Variants in CCSER1 observed in about 807,000 individuals in gnomAD.
CCSER1 encodes coiled-coil serine rich protein 1, also known as serine-rich coiled-coil domain-containing protein 1.
In CCSER1, 41 loss-of-function variants were observed where a neutral mutation model predicts 82.0. The observed-to-expected ratio is 0.50, with a 90% CI of 0.39 to 0.65. CCSER1 has a LOEUF of 0.65. Among genes scored for constraint, CCSER1 ranks in the 30% least tolerant of loss-of-function variants. The probability of loss-of-function intolerance (pLI) is 0.00; values close to 1 mark genes in which losing one functional copy is unlikely to be tolerated. For synonymous variants in CCSER1, 414 were observed against 383.9 expected, an observed-to-expected ratio of 1.08 and a Z score of -0.92; for missense variants, 1,119 against 1,064.2, an observed-to-expected ratio of 1.05 and a Z score of -0.72.
intron 10 of CCSER1, among the ~76,000 whole-genome samples, chr4:91,177,451 G>A (rs1733517644): frequency 6.6e-6 from 1 of 152,112 alleles, no homozygotes; most frequent in South Asian, 2.1e-4. Context: ...TCTGGTCCTG[G>A]ACTTTTTTTG....
At chr4:91,001,465 T>C in intron 9 of CCSER1, among the ~76,000 whole-genome samples, 1 of 152,264 alleles carries the variant, frequency 6.6e-6, no homozygotes, top group East Asian at 1.9e-4. Context: ...ATTTTTGAAA[T>C]AGTTTCATAT....
At chr4:90,462,523 G>C (rs1436617520) in intron 4 of CCSER1, among the ~76,000 whole-genome samples, 2 of 152,178 alleles carry the variant, frequency 1.3e-5, no homozygotes, top group Admixed American at 6.5e-5. Context: ...ACTTGGGTTA[G>C]TATTTGAATA....
At chr4:90,864,247 T>C (rs1285594428) in intron 8 of CCSER1, among the ~76,000 whole-genome samples, 4 of 151,918 alleles carry the variant, frequency 2.6e-5, no homozygotes, top group African/African-American at 9.7e-5. Context: ...ACAGATTCTT[T>C]TATTCTGCAA....
At chr4:91,280,647 A>G (rs942098242) in intron 10 of CCSER1, among the ~76,000 whole-genome samples, 6 of 152,126 alleles carry the variant, frequency 3.9e-5, no homozygotes, top group Admixed American at 2.6e-4. Context: ...GCAGACATAA[A>G]CAAGTGGTTT....
At chr4:90,993,128 C>G (rs1038487088) in intron 9 of CCSER1, among the ~76,000 whole-genome samples, 4 of 152,054 alleles carry the variant, frequency 2.6e-5, no homozygotes, top group Admixed American at 2.0e-4. Flanking sequence ...CCCAGCCTCT[C>G]TGTCTATCCT....
rs79836799 is a variant in CCSER1, at chr4:90,763,517, C to T, written c.2010+39526C>T. On this transcript the variant is annotated intron_variant, in intron 7 of 10. Coordinates refer to ENST00000509176, the MANE Select transcript of CCSER1 (RefSeq NM_001145065.2). Reference sequence around the variant, plus strand: ...TCAGTTATTTGTGAGTTATCTCAACCACAGAGTTTTGTCAGTGTCTTGATA... The same window carrying T: ...TCAGTTATTTGTGAGTTATCTCAACTACAGAGTTTTGTCAGTGTCTTGATA... 1.6e-4 allele frequency among the ~76,000 whole-genome samples: 24 copies of T among 152,208 alleles called. No individual in the cohort carries two copies. The East Asian group carries it at 4.2e-3, about 27-fold the overall frequency.
chr4:91,151,376 C>T (rs903841351), intron 10 of CCSER1, among the ~76,000 whole-genome samples: 4 of 152,118 alleles, frequency 2.6e-5, no homozygotes, highest in Admixed American at 2.0e-4. Flanking sequence ...CTTCATTAGT[C>T]TTGCTAGTGG....
chr4:91,501,778 G>C, intron 10 of CCSER1, among the ~76,000 whole-genome samples: 1 of 152,008 alleles, frequency 6.6e-6, no homozygotes, highest in South Asian at 2.1e-4. Context: ...ATATTAGTAA[G>C]AGAACTCAAT....
At chr4:90,176,741 C>A (rs892517538) in intron 1 of CCSER1, among the ~76,000 whole-genome samples, 1 of 151,966 alleles carries the variant, frequency 6.6e-6, no homozygotes, top group Admixed American at 6.6e-5. Context: ...GAACGAGGAG[C>A]ATTTTGGAGA....
At position 90,312,818 on chromosome 4, in the gene CCSER1, C is replaced by T. The variant is rs183030435; in HGVS notation, c.1325-45C>T. ...TTCAGTGGGACATTTGTAAAAACTACATTTAAATATTTACCTTCATTTTTA... is the reference window on the plus strand; with the variant it reads ...TTCAGTGGGACATTTGTAAAAACTATATTTAAATATTTACCTTCATTTTTA... On this transcript the variant is annotated intron_variant, in intron 2 of 10. Coordinates refer to ENST00000509176, the MANE Select transcript of CCSER1 (RefSeq NM_001145065.2). 8.3e-5 allele frequency: 115 copies of T among 1,380,258 alleles called. No individual in the cohort carries two copies. In the African/African-American group the frequency reaches 1.5e-3, roughly 18 times the overall value. The allele number at this position is 1,380,258 out of a possible 1,614,324, so 85.5% of individuals were successfully genotyped here.
At chr4:91,163,119 C>T (rs1440964648) in intron 10 of CCSER1, among the ~76,000 whole-genome samples, 1 of 152,204 alleles carries the variant, frequency 6.6e-6, no homozygotes, top group Non-Finnish European at 1.5e-5. Context: ...CCCAGAGATT[C>T]TGGTATGTTG....
chr4:91,360,695 A>C (rs1749192061), intron 10 of CCSER1, among the ~76,000 whole-genome samples: 1 of 151,836 alleles, frequency 6.6e-6, no homozygotes, highest in African/African-American at 2.4e-5. Context: ...GGTTTATGGC[A>C]CAAGCCTAGG....
chr4:90,487,754 G>A (rs1171511817), intron 5 of CCSER1, among the ~76,000 whole-genome samples: 2 of 152,058 alleles, frequency 1.3e-5, no homozygotes, highest in African/African-American at 2.4e-5. Flanking sequence ...AAGCGATTCT[G>A]CCTCAGCCTC....
intron 6 of CCSER1, among the ~76,000 whole-genome samples, chr4:90,717,797 A>ATG (rs1741927007): frequency 6.7e-6 from 1 of 148,376 alleles, no homozygotes. Context: ...ATATATATAT[A>ATG]TGTGTATATA....
At chr4:91,327,146 G>A (rs1746624586) in intron 10 of CCSER1, among the ~76,000 whole-genome samples, 1 of 152,218 alleles carries the variant, frequency 6.6e-6, no homozygotes, top group African/African-American at 2.4e-5. Flanking sequence ...GGAACTCTAT[G>A]TGGGGGCTCG....
chr4:91,157,586 C>A (rs1730937987), intron 10 of CCSER1, among the ~76,000 whole-genome samples: 1 of 151,928 alleles, frequency 6.6e-6, no homozygotes, highest in South Asian at 2.1e-4. Context: ...TGTGATTCAA[C>A]AAGTGATAGT....
At chr4:91,586,561 T>G (rs1433916900) in intron 10 of CCSER1, among the ~76,000 whole-genome samples, 2 of 151,740 alleles carry the variant, frequency 1.3e-5, no homozygotes, top group Admixed American at 1.3e-4. Flanking sequence ...AAAATGCCTC[T>G]TAATGTGTAA....
intron 6 of CCSER1, among the ~76,000 whole-genome samples, chr4:90,646,555 G>C (rs1230051900): frequency 6.6e-6 from 1 of 152,084 alleles, no homozygotes; most frequent in Non-Finnish European, 1.5e-5. Context: ...AAAATACCAG[G>C]ATGCATAAAC....
rs949957116 is a variant in CCSER1 at position 91,155,806 on chromosome 4, A to G, written c.2217+69812A>G. ...GAGAAACAGTAAAAATTAATGTAACATCGATATATACAGTTTAGAATGGTT... is the reference window on the plus strand; with the variant it reads ...GAGAAACAGTAAAAATTAATGTAACGTCGATATATACAGTTTAGAATGGTT... On this transcript the variant is annotated intron_variant, in intron 10 of 10. Transcript: ENST00000509176. Among the ~76,000 whole-genome samples, 6 of 151,966 alleles carry G rather than the reference A, an allele frequency of 3.9e-5. No homozygotes were observed. The East Asian group carries it at 9.6e-4, about 24-fold the overall frequency.
Sources: allele counts gnomAD v4.1 joint callset (sites outside exome capture counted in the v4.1 genomes callset), GRCh38; gene constraint gnomAD v4.1.1; transcripts MANE v1.5; gene names NCBI Gene and HGNC (gene_info 2026-07-23, HGNC 2026-07-21).